Variants in CDH18 observed in about 807,000 individuals in gnomAD.
The protein encoded by CDH18 is cadherin 18, also known as cadherin-18.
CDH18 carries 31 observed loss-of-function variants against 67.9 expected under a neutral mutation model. That is an observed-to-expected ratio of 0.46 (90% confidence interval 0.34 to 0.62). CDH18 has a LOEUF of 0.62. Ranked by LOEUF, CDH18 falls within the 20% of genes least tolerant of loss-of-function variation. The probability of loss-of-function intolerance (pLI) is 0.01; values close to 1 mark genes in which losing one functional copy is unlikely to be tolerated. For missense variants in CDH18, 890 were observed against 975.5 expected, an observed-to-expected ratio of 0.91 and a Z score of 1.17; for synonymous variants, 362 against 347.2, an observed-to-expected ratio of 1.04 and a Z score of -0.48.
Position 19,528,408 on chromosome 5 carries a change from T to G in CDH18, c.1391-7630A>C, listed in dbSNP as rs1017341737. 2.6e-5 allele frequency among the ~76,000 whole-genome samples: 4 copies of G among 151,606 alleles called. No individual in the cohort carries two copies. In the East Asian group the frequency reaches 7.7e-4, roughly 29 times the overall value. ...TTCTGGGTGTGCAATCTAATTATAA[T>G]AAAAATTTCCTTATCAGATAGAATC... On this transcript the variant is annotated intron_variant, in intron 9 of 12. Coordinates refer to ENST00000382275, the MANE Select transcript of CDH18 (RefSeq NM_004934.5).
At chr5:19,667,410 C>T (rs1008094286) in intron 5 of CDH18, among the ~76,000 whole-genome samples, 6 of 149,740 alleles carry the variant, frequency 4.0e-5, no homozygotes, top group Non-Finnish European at 8.9e-5. Flanking sequence ...TTGTTTTCTC[C>T]TTAAAACTAT....
intron 3 of CDH18, among the ~76,000 whole-genome samples, chr5:19,766,317 G>C (rs958871816): frequency 1.3e-5 from 2 of 152,088 alleles, no homozygotes; most frequent in Non-Finnish European, 2.9e-5. Context: ...AAATTTTATG[G>C]TTAATATCGA....
At chr5:19,762,549 A>G (rs999450325) in intron 3 of CDH18, among the ~76,000 whole-genome samples, 1 of 152,058 alleles carries the variant, frequency 6.6e-6, no homozygotes, top group Non-Finnish European at 1.5e-5. Flanking sequence ...AGTGGTTTTG[A>G]TACCACTCAC....
intron 3 of CDH18, among the ~76,000 whole-genome samples, chr5:19,761,628 G>T (rs1311262905): frequency 1.3e-5 from 2 of 152,048 alleles, no homozygotes; most frequent in Non-Finnish European, 2.9e-5. Flanking sequence ...CATGGTCACG[G>T]ATAGGAAGAA....
At chr5:20,019,908 T>G (rs1207777948) in intron 2 of CDH18, among the ~76,000 whole-genome samples, 1 of 152,182 alleles carries the variant, frequency 6.6e-6, no homozygotes, top group African/African-American at 2.4e-5. Flanking sequence ...TCCTAGAGAC[T>G]TGTTAAATTG....
At chr5:19,490,417 T>G (rs1425499685) in intron 11 of CDH18, among the ~76,000 whole-genome samples, 7 of 130,326 alleles carry the variant, frequency 5.4e-5, no homozygotes, top group Non-Finnish European at 8.1e-5. Flanking sequence ...TTTTTTTTTT[T>G]TTTTTTTTGA....
chr5:20,360,736 G>C (rs190031575), intron 1 of CDH18, among the ~76,000 whole-genome samples: 1 of 152,184 alleles, frequency 6.6e-6, no homozygotes, highest in Admixed American at 6.5e-5. Context: ...TTTTATATGT[G>C]ATTGCTGTTG....
intron 3 of CDH18, among the ~76,000 whole-genome samples, chr5:19,836,196 AT>A (rs1241668524): frequency 6.6e-6 from 1 of 152,138 alleles, no homozygotes; most frequent in African/African-American, 2.4e-5. Flanking sequence ...AAAAAGGGCA[AT>A]TTTAATGATT....
At chr5:20,099,066 T>C (rs1219154598) in intron 2 of CDH18, among the ~76,000 whole-genome samples, 1 of 152,172 alleles carries the variant, frequency 6.6e-6, no homozygotes, top group Non-Finnish European at 1.5e-5. Context: ...ATATTTAGAG[T>C]GAAACATAAA....
At chr5:19,626,356 C>T (rs963168054) in intron 5 of CDH18, among the ~76,000 whole-genome samples, 19 of 152,062 alleles carry the variant, frequency 1.2e-4, no homozygotes, top group African/African-American at 4.1e-4. Context: ...AACAGATGTG[C>T]GAAAGAACAC....
chr5:20,423,979 T>C (rs146051812), intron 1 of CDH18, among the ~76,000 whole-genome samples: 1,553 of 130,110 alleles, frequency 0.012, 25 homozygotes, highest in South Asian at 0.029. Flanking sequence ...AAAATTGTCC[T>C]AGAAATAGAA....
chr5:20,280,450 C>G (rs1165767141), intron 1 of CDH18, among the ~76,000 whole-genome samples: 2 of 152,164 alleles, frequency 1.3e-5, no homozygotes, highest in South Asian at 2.1e-4. Context: ...TGAGTGAGAA[C>G]ATGCGGTGTT....
At chr5:20,076,884 C>T (rs1743991411) in intron 2 of CDH18, among the ~76,000 whole-genome samples, 1 of 152,020 alleles carries the variant, frequency 6.6e-6, no homozygotes, top group Admixed American at 6.5e-5. Flanking sequence ...ATTTTTGAAA[C>T]TAATAAATAT....
intron 8 of CDH18, among the ~76,000 whole-genome samples, chr5:19,550,438 G>A (rs545694432): frequency 4.4e-4 from 59 of 133,876 alleles, no homozygotes; most frequent in Admixed American, 2.1e-3. Context: ...AACAGTCCCC[G>A]GTATGTGATG....
At chr5:19,509,968 C>T (rs1214508190) in intron 10 of CDH18, among the ~76,000 whole-genome samples, 1 of 151,906 alleles carries the variant, frequency 6.6e-6, no homozygotes, top group African/African-American at 2.4e-5. Flanking sequence ...TCTCTATTTA[C>T]CTGAACTCTG....
intron 9 of CDH18, 122 bp from the exon 10 acceptor site, chr5:19,520,900 C>A: frequency 1.0e-6 from 1 of 1,001,646 alleles, no homozygotes; most frequent in Non-Finnish European, 1.4e-6. Context: ...GGACTTTTGG[C>A]AAACGACAAC....
intron 9 of CDH18, among the ~76,000 whole-genome samples, chr5:19,536,785 T>G (rs183060110): frequency 6.6e-6 from 1 of 152,290 alleles, no homozygotes; most frequent in East Asian, 1.9e-4. Context: ...CCTGAGGATC[T>G]GCATTATTTG....
At chr5:19,503,828 C>T (rs1000724599) in intron 10 of CDH18, among the ~76,000 whole-genome samples, 3 of 152,044 alleles carry the variant, frequency 2.0e-5, no homozygotes, top group Non-Finnish European at 2.9e-5. Context: ...GGCCAGTCTG[C>T]TCTTAAAAAA....
intron 1 of CDH18, among the ~76,000 whole-genome samples, chr5:20,466,934 T>C (rs1220356916): frequency 6.6e-6 from 1 of 152,060 alleles, no homozygotes; most frequent in Admixed American, 6.6e-5. Flanking sequence ...AGTAAATATC[T>C]CAATAAACAT....
Sources: allele counts gnomAD v4.1 joint callset (sites outside exome capture counted in the v4.1 genomes callset), GRCh38; gene constraint gnomAD v4.1.1; transcripts MANE v1.5; gene names NCBI Gene and HGNC (gene_info 2026-07-23, HGNC 2026-07-21).